MAF: variants seen among roughly 807,000 people sequenced by gnomAD.
MAF encodes the protein transcription factor Maf.
Under a neutral mutation model 22.0 loss-of-function variants are expected in MAF, and 10 were observed. That is an observed-to-expected ratio of 0.45 (90% CI 0.28 to 0.77). The LOEUF is 0.77. MAF is among the 30% of genes least tolerant of loss of function. The pLI is 0.12. For missense variants in MAF, 544 were observed against 548.4 expected (o/e 0.99, Z 0.08); for synonymous variants, 337 against 255.8 (o/e 1.32, Z -3.03).
chr16:79,270,039 T>G, the MAF span, among the ~76,000 whole-genome samples: 2 of 151,984 alleles, frequency 1.3e-5, no homozygotes, highest in Non-Finnish European at 2.9e-5. Flanking sequence ...TTTGCAATCC[T>G]GTTTTTTTCA....
chr16:79,365,411 G>A, the MAF span, among the ~76,000 whole-genome samples: 1 of 152,158 alleles, frequency 6.6e-6, no homozygotes, highest in Admixed American at 6.5e-5. Flanking sequence ...CGCTGCTGAT[G>A]TTTACTGATG....
the MAF span, among the ~76,000 whole-genome samples, chr16:79,578,076 CA>C: frequency 1.2e-4 from 19 of 152,210 alleles, no homozygotes; most frequent in South Asian, 3.5e-3. Flanking sequence ...TAGCAAATAA[CA>C]AGCAGAATAG....
At chr16:79,277,140 C>T in the MAF span, among the ~76,000 whole-genome samples, 24 of 152,108 alleles carry the variant, frequency 1.6e-4, no homozygotes, top group African/African-American at 5.3e-4. Context: ...TGGGTTCAAG[C>T]GATCCTCCTG....
chr16:79,439,577 T>C, the MAF span, among the ~76,000 whole-genome samples: 101 of 152,286 alleles, frequency 6.6e-4, no homozygotes, highest in Non-Finnish European at 7.6e-4. Context: ...TAATATTTAT[T>C]AATCTCTTCT....
chr16:79,598,129 C>G, intron 1 of MAF: 1 of 1,045,358 alleles, frequency 9.6e-7, no homozygotes, highest in Non-Finnish European at 1.2e-6. Context: ...AGCTCAATCT[C>G]ACATGAAGAA....
the MAF span, among the ~76,000 whole-genome samples, chr16:79,372,406 G>T: frequency 6.6e-6 from 1 of 152,156 alleles, no homozygotes; most frequent in East Asian, 1.9e-4. Flanking sequence ...GTCTACCCTG[G>T]ACTGTGATAT....
At chr16:79,557,562 G>T in the MAF span, among the ~76,000 whole-genome samples, 4 of 151,800 alleles carry the variant, frequency 2.6e-5, no homozygotes, top group Non-Finnish European at 4.4e-5. Flanking sequence ...GGCCTTGGGC[G>T]TGTTACAGCC....
the MAF span, among the ~76,000 whole-genome samples, chr16:79,226,706 A>T: frequency 1.3e-5 from 2 of 152,108 alleles, no homozygotes; most frequent in Admixed American, 6.6e-5. Flanking sequence ...GGTAGAGGAC[A>T]TGTGGATGAC....
the MAF span, among the ~76,000 whole-genome samples, chr16:79,233,135 C>T: frequency 3.9e-5 from 6 of 152,092 alleles, no homozygotes; most frequent in African/African-American, 1.4e-4. Context: ...CCACCGCGCC[C>T]GGCCTTGATA....
the MAF span, among the ~76,000 whole-genome samples, chr16:79,455,042 G>C: frequency 6.6e-6 from 1 of 151,638 alleles, no homozygotes; most frequent in East Asian, 1.9e-4. Flanking sequence ...GTTGCTGTGA[G>C]CCGAGATCGC....
At position 79,594,712 on chromosome 16, in the gene MAF, G is replaced by GA. The variant is rs36052284; in HGVS notation, c.1119-160dup. The GA allele has an allele frequency of 0.35, 446,606 of 1,273,678 alleles. 48,997 individuals carry two copies. The highest frequency in any genetic ancestry group is 0.39 in the East Asian group (13,256 of 34,036). The allele number at this position is 1,273,678 out of a possible 1,614,324, so 78.9% of individuals were successfully genotyped here. A position where few individuals can be genotyped will look rare whatever the true frequency, so the allele number is the denominator to read the frequency against. ...CTCAGGATTTAGGAGTTCTTTGTAA[G>GA]AAAAAAAAAACATGTATTTGTTTGC... is the stretch of plus-strand genomic sequence containing the variant. On this transcript the variant is annotated intron_variant, in intron 1 of 1. Transcript: ENST00000326043.
the MAF span, among the ~76,000 whole-genome samples, chr16:79,501,291 C>T: frequency 3.9e-5 from 6 of 152,150 alleles, no homozygotes; most frequent in East Asian, 1.9e-4. Context: ...GTTTGCTCCT[C>T]TTCTTATAAG....
chr16:79,600,069 C>T lies in MAF; in HGVS notation c.-167G>A, dbSNP rs1913920432. 3.5e-6 allele frequency: 3 copies of T among 851,750 alleles called. No homozygotes were observed. The highest frequency in any genetic ancestry group is 5.5e-5 in the East Asian group (2 of 36,606). The allele number at this position is 851,750 out of a possible 1,614,324, so 52.8% of individuals were successfully genotyped here. A position where few individuals can be genotyped will look rare whatever the true frequency, so the allele number is the denominator to read the frequency against. On this transcript the variant is annotated 5_prime_UTR_variant, in exon 1 of 2. The change creates a new upstream start codon in the 5' untranslated region. Coordinates refer to ENST00000326043, the MANE Select transcript of MAF (RefSeq NM_005360.5). ...CGAAACCTCCGAGCGCGCTCACACACACACCCCCCCGCCCTGCCCGCGCCC... is the reference window on the plus strand; with the variant it reads ...CGAAACCTCCGAGCGCGCTCACACATACACCCCCCCGCCCTGCCCGCGCCC...
chr16:79,448,286 A>T, the MAF span, among the ~76,000 whole-genome samples: 4 of 151,924 alleles, frequency 2.6e-5, no homozygotes, highest in Non-Finnish European at 4.4e-5. Context: ...AGCAACCACC[A>T]CTATGATAAG....
chr16:79,358,092 C>A, the MAF span, among the ~76,000 whole-genome samples: 10 of 152,238 alleles, frequency 6.6e-5, no homozygotes, highest in Non-Finnish European at 1.5e-4. Context: ...TTCCCAGGCA[C>A]AGTCACGGCA....
At chr16:79,223,750 G>T in the MAF span, among the ~76,000 whole-genome samples, 1 of 152,132 alleles carries the variant, frequency 6.6e-6, no homozygotes, top group African/African-American at 2.4e-5. Context: ...AAATAAACTA[G>T]AAAATCTAGA....
chr16:79,212,823 G>C, the MAF span: 2 of 152,222 alleles, frequency 1.3e-5, no homozygotes, highest in Non-Finnish European at 2.9e-5. Flanking sequence ...TTCTCTGAGT[G>C]AGTTTGTGTT....
At chr16:79,502,159 G>T in the MAF span, among the ~76,000 whole-genome samples, 1 of 152,134 alleles carries the variant, frequency 6.6e-6, no homozygotes. Context: ...ACAGCCAGAA[G>T]GACTCAGAAA....
At chr16:79,541,985 A>G in the MAF span, among the ~76,000 whole-genome samples, 1 of 152,168 alleles carries the variant, frequency 6.6e-6, no homozygotes, top group Admixed American at 6.5e-5. Context: ...ATTAAAAAAC[A>G]GGTTCAGATT....
Sources: gnomAD v4.1 joint callset for allele counts (sites outside exome capture counted in the v4.1 genomes callset) on GRCh38, gnomAD v4.1.1 for gene constraint, MANE v1.5 for transcripts, NCBI Gene and HGNC (gene_info 2026-07-23, HGNC 2026-07-21) for gene names.